The following GPR157 variants were observed in gnomAD, a reference collection of about 807,000 sequenced individuals.
The protein encoded by GPR157 is G protein-coupled receptor 157, also known as G-protein coupled receptor 157.
Under a neutral mutation model 23.5 loss-of-function variants are expected in GPR157, and 16 were observed. The ratio of observed to expected loss-of-function variants is 0.68; its 90% confidence interval spans 0.46 to 1.04. GPR157 has a LOEUF of 1.04. Ranked by LOEUF, GPR157 falls within the 50% of genes least tolerant of loss-of-function variation. The probability of loss-of-function intolerance (pLI) is 0.00; values close to 1 mark genes in which losing one functional copy is unlikely to be tolerated. For missense variants in GPR157, 440 were observed against 460.7 expected (o/e 0.96, Z 0.41); for synonymous variants, 200 against 221.5 (o/e 0.90, Z 0.86).
rs1337019273 is a variant in GPR157, at chr1:9,104,004, C to T, written c.*415G>A. 6.1e-6 allele frequency: 1 copy of T among 164,512 alleles called. No homozygotes were observed. 10.2% of individuals were successfully genotyped at this position (164,512 alleles called of 1,614,324 possible). ...CTGCTCCATGATGTGTGGATGGGGA[C>T]ACATCTCTGAGGGCCCCTGACAGCT... On this transcript the variant is annotated 3_prime_UTR_variant, in exon 4 of 4. Coordinates refer to ENST00000377411, the MANE Select transcript of GPR157 (RefSeq NM_024980.5).
At chr1:9,114,797 T>A (rs1424727372) in intron 1 of GPR157, among the ~76,000 whole-genome samples, 1 of 151,824 alleles carries the variant, frequency 6.6e-6, no homozygotes, top group Non-Finnish European at 1.5e-5. Flanking sequence ...AGTACACACC[T>A]GTAATCCCAG....
At chr1:9,122,162 C>T (rs1353382342) in intron 1 of GPR157, among the ~76,000 whole-genome samples, 1 of 152,118 alleles carries the variant, frequency 6.6e-6, no homozygotes, top group Non-Finnish European at 1.5e-5. Flanking sequence ...GGGAAATGAC[C>T]CCCTCCACAG....
In GPR157 at chr1:9,128,466, C is replaced by T. The variant is rs954313279; in HGVS notation, c.383+179G>A. The T allele has an allele frequency of 2.9e-6, 2 of 689,810 alleles. No homozygotes were observed. The highest frequency in any genetic ancestry group is 2.4e-4 in the Middle Eastern group (1 of 4,230). 42.7% of individuals were successfully genotyped at this position (689,810 alleles called of 1,614,324 possible). A position where few individuals can be genotyped will look rare whatever the true frequency, so the allele number is the denominator to read the frequency against. On this transcript the variant is annotated intron_variant, in intron 1 of 3. Coordinates refer to ENST00000377411, the MANE Select transcript of GPR157 (RefSeq NM_024980.5). This position sits in a 1 kb window ranked among gnomAD's most constrained non-coding sequence, Gnocchi z 6.3. ...ACAGCGGGGCTCCTTCGGGAGGGAGCGAATCTCGGGCAAGGCTGGCCTCCT... is the reference window on the plus strand; with the variant it reads ...ACAGCGGGGCTCCTTCGGGAGGGAGTGAATCTCGGGCAAGGCTGGCCTCCT...
Position 9,111,467 on chromosome 1 carries a change from T to A in GPR157, c.406A>T (p.Thr136Ser). The change falls in exon 2 of 4, where the codon ACT (threonine) becomes TCT (serine). Residue 136 changes from threonine to serine, a missense_variant. Physicochemically the swap from Thr to Ser is moderately conservative, Grantham distance 58 (BLOSUM62 1). Transcript: ENST00000377411. The stretch of plus-strand genomic sequence containing the variant: ...TTCTTCAGGGCGACGGCTGCCACAG[T>A]GATGACCAACGGGACCCCCCAGCTG... ...VVSWGVPLVI[T>S]VAAVALKKIG... The A allele has an allele frequency of 6.2e-6, 10 of 1,613,718 alleles. No individual in the cohort carries two copies. The highest frequency in any genetic ancestry group is 8.5e-6 in the Non-Finnish European group (10 of 1,179,806).
intron 1 of GPR157, among the ~76,000 whole-genome samples, chr1:9,119,388 C>A (rs1244564620): frequency 1.3e-5 from 2 of 152,132 alleles, no homozygotes; most frequent in African/African-American, 4.8e-5. Flanking sequence ...GATGAGCACA[C>A]AGATCTTTAC....
Position 9,128,257 on chromosome 1 carries a change from G to C in GPR157, c.383+388C>G, listed in dbSNP as rs909885363. The C allele has an allele frequency of 2.4e-5, 12 of 497,612 alleles. No homozygotes were observed. Among genetic ancestry groups the C allele is most frequent in the Non-Finnish European group, 3.9e-5 (10 of 254,774 alleles). The allele number at this position is 497,612 out of a possible 1,614,324, so 30.8% of individuals were successfully genotyped here. The stretch of plus-strand genomic sequence containing the variant: ...CTGGCAGTTGCCGGCTCTCCAGCCC[G>C]GGACAGTTACCTAACTCGTCTCCCA... On this transcript the variant is annotated intron_variant, in intron 1 of 3. Coordinates refer to ENST00000377411, the MANE Select transcript of GPR157 (RefSeq NM_024980.5). The surrounding 1 kb of genome is among the most constrained non-coding windows in gnomAD (Gnocchi z 6.3).
chr1:9,103,123 A>AAC lies in GPR157; in HGVS notation c.*1295_*1296insGT, dbSNP rs1410045031. 15 of 151,384 alleles carry AAC rather than the reference A, an allele frequency of 9.9e-5. No homozygotes were observed. The highest frequency in any genetic ancestry group is 8.6e-4 in the Admixed American group (13 of 15,178). The allele number at this position is 151,384 out of a possible 1,614,324, so 9.4% of individuals were successfully genotyped here. A position where few individuals can be genotyped will look rare whatever the true frequency, so the allele number is the denominator to read the frequency against. ...CTTTTTTAAAAAAAAAAAAAAAAAA[A>AAC]AACTGACTCTGAAGCTTAAAACCTT... On this transcript the variant is annotated 3_prime_UTR_variant, in exon 4 of 4. Coordinates refer to ENST00000377411, the MANE Select transcript of GPR157 (RefSeq NM_024980.5).
chr1:9,128,559 C>T lies in GPR157; in HGVS notation c.383+86G>A. ...CTTGCTGTGGGTAGGGGGTGTCCAA[C>T]CTAGACGCGGCCTCTGGGAGGGCAA... On this transcript the variant is annotated intron_variant, in intron 1 of 3. Coordinates refer to ENST00000377411, the MANE Select transcript of GPR157 (RefSeq NM_024980.5). The surrounding 1 kb of genome is among the most constrained non-coding windows in gnomAD (Gnocchi z 6.3). The T allele has an allele frequency of 2.3e-6, 3 of 1,327,268 alleles. No homozygotes were observed. Among genetic ancestry groups the T allele is most frequent in the Non-Finnish European group, 3.2e-6 (3 of 940,844 alleles). 82.2% of individuals were successfully genotyped at this position (1,327,268 alleles called of 1,614,324 possible).
rs371897260 is a variant in GPR157, at chr1:9,123,261, AAT to A, written c.383+5382_383+5383del. On this transcript the variant is annotated intron_variant, in intron 1 of 3. Coordinates refer to ENST00000377411, the MANE Select transcript of GPR157 (RefSeq NM_024980.5). ...ATATATTAATTTAAATATATATTTA[AAT>A]ATATATATTTAAATATATATTTAAA... 7.8e-4 allele frequency among the ~76,000 whole-genome samples: 21 copies of A among 26,950 alleles called. 2 individuals are homozygous for A. The highest frequency in any genetic ancestry group is 0.04 in the Middle Eastern group (2 of 50). The allele number at this position is 26,950 out of a possible 152,430, so 17.7% of individuals were successfully genotyped here. A position where few individuals can be genotyped will look rare whatever the true frequency, so the allele number is the denominator to read the frequency against.
At position 9,105,519 on chromosome 1, in the gene GPR157, C is replaced by T. The variant is rs763005198; in HGVS notation, c.759G>A (p.Pro253=). The T allele has an allele frequency of 5.8e-5, 92 of 1,585,470 alleles. No individual in the cohort carries two copies. In the Admixed American group the frequency reaches 9.8e-4, roughly 17 times the overall value. The change falls in exon 3 of 4, where the codon CCG becomes CCA. Residue 253 remains proline, a synonymous_variant. Coordinates refer to ENST00000377411, the MANE Select transcript of GPR157 (RefSeq NM_024980.5). The surrounding 1 kb of genome is among the most constrained non-coding windows in gnomAD (Gnocchi z 4.8). ...CCACCAGCACCGGCGTCTGCACGGC[C>T]GGGGAGCCACAGAGGGTCAGCACGA... The part of the protein sequence containing the change: ...VRFVLTLCGS[P]AVQTPVLVVL...
intron 1 of GPR157, among the ~76,000 whole-genome samples, chr1:9,114,650 T>C (rs1638595325): frequency 6.6e-6 from 1 of 152,196 alleles, no homozygotes; most frequent in Admixed American, 6.5e-5. Context: ...ACTTTAGGGT[T>C]GCAGTACTAA....
intron 1 of GPR157, among the ~76,000 whole-genome samples, chr1:9,126,906 AT>A (rs760769170): frequency 6.6e-6 from 1 of 151,462 alleles, no homozygotes; most frequent in African/African-American, 2.4e-5. Flanking sequence ...TTTTTTAAAA[AT>A]TTTTTTCTTT....
At chr1:9,107,024 C>T (rs1366856352) in intron 2 of GPR157, among the ~76,000 whole-genome samples, 1 of 152,148 alleles carries the variant, frequency 6.6e-6, no homozygotes, top group Non-Finnish European at 1.5e-5. Context: ...TAGACAGTCC[C>T]ATCCTCACGT....
At position 9,101,198 on chromosome 1, in the gene GPR157, A is replaced by G. The variant is rs1642561880; in HGVS notation, c.*3221T>C. ...GAGTAGCTGGCACTACAGGCACACG[A>G]AACCACATCCAACTATTTTTTTTTT... is the stretch of plus-strand genomic sequence containing the variant. On this transcript the variant is annotated 3_prime_UTR_variant, in exon 4 of 4. Coordinates refer to ENST00000377411, the MANE Select transcript of GPR157 (RefSeq NM_024980.5). 1 of 145,990 alleles carries G rather than the reference A, an allele frequency of 6.8e-6. No individual in the cohort carries two copies. The allele number at this position is 145,990 out of a possible 1,614,324, so 9.0% of individuals were successfully genotyped here.
In GPR157 at chr1:9,100,426, G is replaced by A. The variant is rs1400984397; in HGVS notation, c.*3993C>T. The A allele has an allele frequency of 6.6e-6, 1 of 152,194 alleles. No homozygotes were observed. Among genetic ancestry groups the A allele is most frequent in the African/African-American group, 2.4e-5 (1 of 41,452 alleles). 9.4% of individuals were successfully genotyped at this position (152,194 alleles called of 1,614,324 possible). A position where few individuals can be genotyped will look rare whatever the true frequency, so the allele number is the denominator to read the frequency against. On this transcript the variant is annotated 3_prime_UTR_variant, in exon 4 of 4. Coordinates refer to ENST00000377411, the MANE Select transcript of GPR157 (RefSeq NM_024980.5). ...CACACTTTTGATGCCACAACTAGAA[G>A]TTTGTAAAAACTATTTTTCTTGTCG...
chr1:9,104,847 A>C (rs2124505621), intron 3 of GPR157, among the ~76,000 whole-genome samples: 1 of 152,012 alleles, frequency 6.6e-6, no homozygotes, highest in South Asian at 2.1e-4. Context: ...CTGAAAATAC[A>C]AAAATTAGCT....
chr1:9,124,084 C>T lies in GPR157; in HGVS notation c.383+4561G>A, dbSNP rs551337648. Among the ~76,000 whole-genome samples, 297 of 152,138 alleles carry T rather than the reference C, an allele frequency of 2.0e-3. 1 individual carries two copies. The highest frequency in any genetic ancestry group is 3.4e-3 in the African/African-American group (143 of 41,478). ...GGCTCAAGTAATCCATCCACCTCAG[C>T]CTCCCAAACTGCTGGGACTACTGGC... On this transcript the variant is annotated intron_variant, in intron 1 of 3. Transcript: ENST00000377411.
At chr1:9,113,956 AACACACACACACACACACAC>A (rs35650719) in intron 1 of GPR157, among the ~76,000 whole-genome samples, 33 of 121,894 alleles carry the variant, frequency 2.7e-4, no homozygotes, top group Admixed American at 7.8e-4. Context: ...AAAAAAACCA[AACACACACACACACACACAC>A]ACACACACAC....
intron 1 of GPR157, among the ~76,000 whole-genome samples, chr1:9,116,187 T>TA (rs1224153969): frequency 4.0e-4 from 6 of 14,982 alleles, no homozygotes; most frequent in Admixed American, 2.4e-3. Context: ...ATATTATATA[T>TA]ATAATATAAT....
Sources: gnomAD v4.1 joint callset for allele counts (sites outside exome capture counted in the v4.1 genomes callset) on GRCh38, gnomAD v4.1.1 for gene constraint, Gnocchi (gnomAD v3.1) non-coding constraint, MANE v1.5 for transcripts, NCBI Gene and HGNC (gene_info 2026-07-23, HGNC 2026-07-21) for gene names.